Variants in REEP6 observed in about 807,000 individuals in gnomAD.
REEP6 encodes receptor accessory protein 6.
In REEP6, 19 loss-of-function variants were observed where a neutral mutation model predicts 22.4. The observed-to-expected ratio is 0.85, with a 90% CI of 0.59 to 1.25. The LOEUF (loss-of-function observed/expected upper bound fraction) is 1.25, where lower values mean the gene tolerates loss of function less well. REEP6 is among the 50% of genes most tolerant of loss of function. REEP6 has a pLI of 0.00. For synonymous variants in REEP6, 121 were observed against 113.6 expected, an observed-to-expected ratio of 1.06 and a Z score of -0.41; for missense variants, 273 against 251.9, an observed-to-expected ratio of 1.08 and a Z score of -0.57.
rs1423103828 is a variant in REEP6 at position 1,491,846 on chromosome 19, C to A, written c.115+462C>A. On this transcript the variant is annotated intron_variant, in intron 1 of 4. Transcript: ENST00000233596. This position sits in a 1 kb window ranked among gnomAD's most constrained non-coding sequence, Gnocchi z 5.4. Reference sequence around the variant, plus strand: ...CCCAGGACCCTTCTCCTTTCCTCCTCCTCTCCTGCCCTAGCTCACCTTCCC... The same window carrying A: ...CCCAGGACCCTTCTCCTTTCCTCCTACTCTCCTGCCCTAGCTCACCTTCCC... Among the ~76,000 whole-genome samples the A allele has an allele frequency of 2.6e-5, 4 of 152,214 alleles. No homozygotes were observed. The highest frequency in any genetic ancestry group is 5.9e-5 in the Non-Finnish European group (4 of 68,034).
intron 4 of REEP6, chr19:1,496,743 C>T (rs550246419): frequency 6.3e-6 from 4 of 637,874 alleles, no homozygotes; most frequent in South Asian, 1.6e-5. Flanking sequence ...TGTGTTTGAG[C>T]GTATGTTTGC....
intron 1 of REEP6, among the ~76,000 whole-genome samples, chr19:1,493,329 A>C (rs1449457227): frequency 6.6e-6 from 1 of 152,088 alleles, no homozygotes; most frequent in Non-Finnish European, 1.5e-5. Context: ...ATACGAAGAA[A>C]CTCAGAGGGG....
intron 1 of REEP6, among the ~76,000 whole-genome samples, chr19:1,492,842 T>C (rs1232169848): frequency 6.6e-6 from 1 of 152,204 alleles, no homozygotes; most frequent in East Asian, 1.9e-4. Flanking sequence ...TGGTCCCATG[T>C]GCAGCGCAGC....
At chr19:1,495,991 A>G in intron 3 of REEP6, 1 of 526,650 alleles carries the variant, frequency 1.9e-6, no homozygotes. Context: ...TATTCCAATA[A>G]TATGTCTGAT....
At position 1,496,455 on chromosome 19, in the gene REEP6, T is replaced by C. The variant is rs1391045487; in HGVS notation, c.517+2T>C. 6.2e-7 allele frequency: 1 copy of C among 1,610,032 alleles called. No homozygotes were observed. The highest frequency in any genetic ancestry group is 1.7e-5 in the Admixed American group (1 of 59,960). On this transcript the variant is annotated splice_donor_variant, in intron 4 of 4. Coordinates refer to ENST00000233596, the MANE Select transcript of REEP6 (RefSeq NM_138393.4). LOFTEE classifies it high-confidence loss of function. The stretch of plus-strand genomic sequence containing the variant: ...CGGCGGCCGGAATAACCAGGAACGG[T>C]GGGTGCTCGCAGGCGCCTGGCTGCC...
Position 1,491,294 on chromosome 19 carries a change from G to C in REEP6, c.25G>C (p.Glu9Gln), listed in dbSNP as rs1374703635. ...CATGGACGGCCTGAGGCAGCGCGTGGAGCACTTCCTGGAGCAAAGGAACCT... is the reference window on the plus strand; with the variant it reads ...CATGGACGGCCTGAGGCAGCGCGTGCAGCACTTCCTGGAGCAAAGGAACCT... MDGLRQRVEHFLEQRNLVT... is the reference protein window; with the variant it reads MDGLRQRVQHFLEQRNLVT... Residue 9 changes from glutamate (E) to glutamine (Q), a missense_variant, in exon 1 of 5, where the codon GAG becomes CAG. Transcript: ENST00000233596. The surrounding 1 kb of genome is among the most constrained non-coding windows in gnomAD (Gnocchi z 5.4). 8.1e-6 allele frequency: 12 copies of C among 1,472,980 alleles called. 1 individual carries two copies. In the African/African-American group the frequency reaches 1.6e-4, roughly 20 times the overall value. 91.2% of individuals were successfully genotyped at this position (1,472,980 alleles called of 1,614,324 possible). A position where few individuals can be genotyped will look rare whatever the true frequency, so the allele number is the denominator to read the frequency against.
intron 1 of REEP6, among the ~76,000 whole-genome samples, chr19:1,494,076 C>T (rs115278081): frequency 0.026 from 3,977 of 152,114 alleles, 163 homozygotes; most frequent in African/African-American, 0.091. Flanking sequence ...GACTCCATCT[C>T]GAAAATAAAT....
rs1463068743 is a variant in REEP6 at position 1,491,725 on chromosome 19, C to T, written c.115+341C>T. Among the ~76,000 whole-genome samples the T allele has an allele frequency of 6.6e-6, 1 of 152,254 alleles. No individual in the cohort carries two copies. Among genetic ancestry groups the T allele is most frequent in the Non-Finnish European group, 1.5e-5 (1 of 68,042 alleles). ...TGCGCGTTTCGCCGTCCCCCTTCCC[C>T]CGTGGACCCCGGCCTGGCTGCAACA... On this transcript the variant is annotated intron_variant, in intron 1 of 4. Coordinates refer to ENST00000233596, the MANE Select transcript of REEP6 (RefSeq NM_138393.4). This position sits in a 1 kb window ranked among gnomAD's most constrained non-coding sequence, Gnocchi z 5.4.
In REEP6 at chr19:1,495,589, T is replaced by C. The variant is rs769713335; in HGVS notation, c.330T>C (p.Pro110=). The change falls in exon 3 of 5, where the codon CCT becomes CCC. Residue 110 remains proline (P), a synonymous_variant. Coordinates refer to ENST00000233596, the MANE Select transcript of REEP6 (RefSeq NM_138393.4). ...FFSDLLLSWF[P]FYYVGKCAFL... ...GCGATCTACTCCTGTCCTGGTTCCC[T>C]TTCTACTACGTGGGCAAGGTGGGCC... 6.2e-7 allele frequency: 1 copy of C among 1,614,072 alleles called. No individual in the cohort carries two copies. The highest frequency in any genetic ancestry group is 8.5e-7 in the Non-Finnish European group (1 of 1,180,016).
rs748078419 is a variant in REEP6 at position 1,495,281 on chromosome 19, C to G, written c.116-13C>G. ...GTCCCCAGCCCTGGCACACCACCGCCTCTCTCCGGCAGGAGCCGTCACTCT... is the reference window on the plus strand; with the variant it reads ...GTCCCCAGCCCTGGCACACCACCGCGTCTCTCCGGCAGGAGCCGTCACTCT... On this transcript the variant is annotated splice_polypyrimidine_tract_variant and intron_variant, in intron 1 of 4. Transcript: ENST00000233596. 6.8e-6 allele frequency: 11 copies of G among 1,610,702 alleles called. No homozygotes were observed. Among genetic ancestry groups the G allele is most frequent in the East Asian group, 2.2e-5 (1 of 44,880 alleles).
In REEP6 at chr19:1,491,816, G is replaced by T. The variant is rs369042977; in HGVS notation, c.115+432G>T. ...GGAAGGGGAACGGACCGTCCTGGGG[G>T]CCTGCCCAGGACCCTTCTCCTTTCC... On this transcript the variant is annotated intron_variant, in intron 1 of 4. Coordinates refer to ENST00000233596, the MANE Select transcript of REEP6 (RefSeq NM_138393.4). The surrounding 1 kb of genome is among the most constrained non-coding windows in gnomAD (Gnocchi z 5.4). 1.3e-5 allele frequency among the ~76,000 whole-genome samples: 2 copies of T among 152,176 alleles called. No individual in the cohort carries two copies. Among genetic ancestry groups the T allele is most frequent in the Non-Finnish European group, 2.9e-5 (2 of 68,026 alleles).
Position 1,496,351 on chromosome 19 carries a change from G to A in REEP6, c.415G>A (p.Val139Ile), listed in dbSNP as rs775006507. The A allele has an allele frequency of 9.3e-6, 15 of 1,612,908 alleles. No individual in the cohort carries two copies. The highest frequency in any genetic ancestry group is 1.1e-5 in the South Asian group (1 of 91,086). Residue 139 changes from valine (V) to isoleucine (I), a missense_variant, in exon 4 of 5, where the codon GTC becomes ATC. Val to Ile is a conservative substitution (Grantham distance 29). Coordinates refer to ENST00000233596, the MANE Select transcript of REEP6 (RefSeq NM_138393.4). ...CGGGGCTCTCATGCTGTATCAGCGC[G>A]TCGTGCGTCCGCTGTTCCTAAGGCA... ...WNGALMLYQRVVRPLFLRHHG... is the reference protein window; with the variant it reads ...WNGALMLYQRIVRPLFLRHHG...
In REEP6 at chr19:1,497,121, G is replaced by A. The variant is rs1258181822; in HGVS notation, c.518-53G>A. On this transcript the variant is annotated intron_variant, in intron 4 of 4. Coordinates refer to ENST00000233596, the MANE Select transcript of REEP6 (RefSeq NM_138393.4). This position sits in a 1 kb window ranked among gnomAD's most constrained non-coding sequence, Gnocchi z 6.5. ...CTCAGTCCCGCCTGCGAGCAGCTCCGGGGAGCCCAGGCCTGCCTCACGGCC... is the reference window on the plus strand; with the variant it reads ...CTCAGTCCCGCCTGCGAGCAGCTCCAGGGAGCCCAGGCCTGCCTCACGGCC... 8.3e-6 allele frequency: 11 copies of A among 1,325,706 alleles called. No homozygotes were observed. Among genetic ancestry groups the A allele is most frequent in the Non-Finnish European group, 1.0e-5 (10 of 987,578 alleles). 82.1% of individuals were successfully genotyped at this position (1,325,706 alleles called of 1,614,324 possible).
At chr19:1,493,587 CCA>C (rs2084983104) in intron 1 of REEP6, among the ~76,000 whole-genome samples, 1 of 151,078 alleles carries the variant, frequency 6.6e-6, no homozygotes, top group African/African-American at 2.4e-5. Flanking sequence ...CCACCCACCC[CCA>C]GTTTTGGCTG....
rs765376483 is a variant in REEP6, at chr19:1,495,466, C to T, written c.210-3C>T. 2.6e-5 allele frequency: 42 copies of T among 1,613,916 alleles called. No individual in the cohort carries two copies. The Middle Eastern group carries it at 5.0e-4, about 19-fold the overall frequency. On this transcript the variant is annotated splice_region_variant and splice_polypyrimidine_tract_variant and intron_variant, in intron 2 of 4. Transcript: ENST00000233596. The stretch of plus-strand genomic sequence containing the variant: ...CCCTGACCCTGCTGCACCCTCCCTG[C>T]AGAATCAAAGCTATCGAGAGCCCAA...
At chr19:1,493,689 C>G (rs899236619) in intron 1 of REEP6, among the ~76,000 whole-genome samples, 2 of 24,376 alleles carry the variant, frequency 8.2e-5, no homozygotes, top group African/African-American at 2.0e-4. Flanking sequence ...GAGCCAGGTT[C>G]AGGATTGGGG....
At chr19:1,492,227 G>T (rs2084963156) in intron 1 of REEP6, among the ~76,000 whole-genome samples, 1 of 152,044 alleles carries the variant, frequency 6.6e-6, no homozygotes, top group African/African-American at 2.4e-5. Flanking sequence ...CGATTCTCCT[G>T]CCTCAGTCTA....
chr19:1,494,445 G>A (rs947914483), intron 1 of REEP6, among the ~76,000 whole-genome samples: 1 of 152,156 alleles, frequency 6.6e-6, no homozygotes, highest in Non-Finnish European at 1.5e-5. Context: ...CAGTGTCCAG[G>A]ACAGCCACTT....
In REEP6 at chr19:1,496,387, G is replaced by C; in HGVS notation, c.451G>C (p.Val151Leu). 1.2e-6 allele frequency: 2 copies of C among 1,613,170 alleles called. No homozygotes were observed. The highest frequency in any genetic ancestry group is 1.7e-6 in the Non-Finnish European group (2 of 1,179,912). ...RPLFLRHHGA[V>L]DRIMNDLSGR... ...GCTGTTCCTAAGGCACCACGGGGCC[G>C]TAGACAGAATCATGAACGACCTCAG... Residue 151 changes from valine (V) to leucine (L), a missense_variant, in exon 4 of 5, where the codon GTA (valine) becomes CTA (leucine). Physicochemically the swap from Val to Leu is conservative, Grantham distance 32 (BLOSUM62 1). Coordinates refer to ENST00000233596, the MANE Select transcript of REEP6 (RefSeq NM_138393.4).
Sources: gnomAD v4.1 joint callset for allele counts (sites outside exome capture counted in the v4.1 genomes callset) on GRCh38, gnomAD v4.1.1 for gene constraint, Gnocchi (gnomAD v3.1) non-coding constraint, MANE v1.5 for transcripts, NCBI Gene and HGNC (gene_info 2026-07-23, HGNC 2026-07-21) for gene names.